Variants in GMDS observed in about 807,000 individuals in gnomAD.
GMDS encodes the protein GDP-mannose 4,6 dehydratase.
In GMDS, 20 loss-of-function variants were observed where a neutral mutation model predicts 49.9. The observed-to-expected ratio is 0.40, with a 90% CI of 0.28 to 0.58. The LOEUF (loss-of-function observed/expected upper bound fraction) is 0.58. Ranked by LOEUF, GMDS falls within the 20% of genes least tolerant of loss-of-function variation. The pLI, the probability that GMDS is intolerant of heterozygous loss-of-function variation, is 0.42. For synonymous variants in GMDS, 177 were observed against 178.6 expected (o/e 0.99, Z 0.07); for missense variants, 362 against 481.4 (o/e 0.75, Z 2.32).
chr6:2,202,393 C>T (rs971258749), intron 1 of GMDS, among the ~76,000 whole-genome samples: 12 of 148,940 alleles, frequency 8.1e-5, no homozygotes, highest in Admixed American at 1.3e-4. Flanking sequence ...ACTGCACAGT[C>T]GAGTAAGCAC....
intron 4 of GMDS, among the ~76,000 whole-genome samples, chr6:2,064,601 T>C (rs1771420949): frequency 6.6e-6 from 1 of 152,152 alleles, no homozygotes; most frequent in South Asian, 2.1e-4. Context: ...TCTTCTATAT[T>C]ACCCATGCCC....
intron 9 of GMDS, among the ~76,000 whole-genome samples, chr6:1,652,719 TAG>T (rs1428568929): frequency 9.0e-5 from 1 of 11,090 alleles, no homozygotes; most frequent in African/African-American, 3.2e-4. Flanking sequence ...TATATATATA[TAG>T]AGAGAGAGAG....
intron 9 of GMDS, among the ~76,000 whole-genome samples, chr6:1,722,586 G>T (rs972733050): frequency 2.0e-5 from 3 of 152,128 alleles, no homozygotes; most frequent in African/African-American, 7.2e-5. Context: ...AACTGACTCT[G>T]TTAATTCTCC....
chr6:2,231,895 G>A (rs1377606188), intron 1 of GMDS, among the ~76,000 whole-genome samples: 1 of 152,118 alleles, frequency 6.6e-6, no homozygotes, highest in Non-Finnish European at 1.5e-5. Context: ...AATGAAATCA[G>A]ATAAATGAAA....
chr6:1,964,040 G>A (rs546658241), intron 4 of GMDS, among the ~76,000 whole-genome samples: 113 of 152,268 alleles, frequency 7.4e-4, no homozygotes, highest in Non-Finnish European at 1.2e-3. Flanking sequence ...CACTCCCTCC[G>A]TGAGGGTCTC....
chr6:1,679,734 C>T (rs2113303326), intron 9 of GMDS: 1 of 152,334 alleles, frequency 6.6e-6, no homozygotes, highest in Admixed American at 6.5e-5. Flanking sequence ...TGTTTCATTG[C>T]AGTCAAATAA....
At chr6:1,753,270 G>T (rs1767806215) in intron 7 of GMDS, among the ~76,000 whole-genome samples, 1 of 152,062 alleles carries the variant, frequency 6.6e-6, no homozygotes, top group Admixed American at 6.6e-5. Flanking sequence ...GATTTTAAAT[G>T]AACAAAGATC....
intron 9 of GMDS, among the ~76,000 whole-genome samples, chr6:1,646,386 A>G (rs1267030678): frequency 1.3e-5 from 2 of 152,094 alleles, no homozygotes; most frequent in African/African-American, 4.8e-5. Flanking sequence ...TTACTTGCCA[A>G]ATAAAAGCCA....
chr6:2,173,613 A>C (rs747479202), intron 1 of GMDS, among the ~76,000 whole-genome samples: 1 of 152,244 alleles, frequency 6.6e-6, no homozygotes, highest in Non-Finnish European at 1.5e-5. Flanking sequence ...TAGTGAAAAC[A>C]GGAAGTTCTA....
At chr6:2,148,658 G>A (rs917899740) in intron 1 of GMDS, among the ~76,000 whole-genome samples, 4 of 152,116 alleles carry the variant, frequency 2.6e-5, no homozygotes, top group African/African-American at 7.2e-5. Context: ...GACCTCAGGT[G>A]ATCCGCCCGC....
chr6:2,006,131 A>G (rs1463316739), intron 4 of GMDS, among the ~76,000 whole-genome samples: 1 of 152,070 alleles, frequency 6.6e-6, no homozygotes, highest in Non-Finnish European at 1.5e-5. Flanking sequence ...CAACAGAAAC[A>G]TAAAAATTGG....
At chr6:1,737,516 CACACAG>C (rs1361739023) in intron 8 of GMDS, among the ~76,000 whole-genome samples, 6 of 151,532 alleles carry the variant, frequency 4.0e-5, no homozygotes, top group African/African-American at 1.5e-4. Context: ...CACACACACA[CACACAG>C]AGATACACAC....
chr6:1,984,675 C>T (rs565037031), intron 4 of GMDS, among the ~76,000 whole-genome samples: 2 of 152,318 alleles, frequency 1.3e-5, no homozygotes, highest in East Asian at 3.9e-4. Context: ...ATCCTCCATG[C>T]TACCAAAATT....
intron 7 of GMDS, among the ~76,000 whole-genome samples, chr6:1,808,794 T>G (rs1387600915): frequency 2.6e-5 from 4 of 152,202 alleles, no homozygotes; most frequent in African/African-American, 9.7e-5. Flanking sequence ...TTCCATTACT[T>G]ACTAAACTGA....
At position 1,708,497 on chromosome 6, in the gene GMDS, C is replaced by T. The variant is rs752363093; in HGVS notation, c.987+17919G>A. 8.3e-4 allele frequency among the ~76,000 whole-genome samples: 127 copies of T among 152,312 alleles called. No homozygotes were observed. In the Middle Eastern group the frequency reaches 0.037, roughly 45 times the overall value. On this transcript the variant is annotated intron_variant, in intron 9 of 10. Coordinates refer to ENST00000380815, the MANE Select transcript of GMDS (RefSeq NM_001500.4). The stretch of plus-strand genomic sequence containing the variant: ...AACTGCCCGGGGCTAAGTCAGTCAC[C>T]GCACAATCGAGTATGGTGTAGCTCC...
intron 8 of GMDS, among the ~76,000 whole-genome samples, chr6:1,735,973 C>T (rs1336491328): frequency 1.3e-5 from 2 of 152,202 alleles, no homozygotes; most frequent in Non-Finnish European, 1.5e-5. Context: ...TTATAGAGCA[C>T]CTAAGAGGTG....
intron 9 of GMDS, among the ~76,000 whole-genome samples, chr6:1,723,480 C>T (rs1766463419): frequency 6.6e-6 from 1 of 152,022 alleles, no homozygotes; most frequent in South Asian, 2.1e-4. Flanking sequence ...GCACCTGCCA[C>T]CATACCCGGC....
At chr6:2,157,692 T>C (rs1777177725) in intron 1 of GMDS, among the ~76,000 whole-genome samples, 1 of 152,218 alleles carries the variant, frequency 6.6e-6, no homozygotes, top group Non-Finnish European at 1.5e-5. Context: ...ACTAGGCATC[T>C]TGCATCAGCC....
At chr6:2,200,781 G>T (rs1036818593) in intron 1 of GMDS, among the ~76,000 whole-genome samples, 1 of 149,192 alleles carries the variant, frequency 6.7e-6, no homozygotes, top group Non-Finnish European at 1.5e-5. Context: ...CATGTTAGCA[G>T]AGAGGTGAAG....
Sources: gnomAD v4.1 joint callset for allele counts (sites outside exome capture counted in the v4.1 genomes callset) on GRCh38, gnomAD v4.1.1 for gene constraint, MANE v1.5 for transcripts, NCBI Gene and HGNC (gene_info 2026-07-23, HGNC 2026-07-21) for gene names.